B3GALT1: variants seen among roughly 807,000 people sequenced by gnomAD.
B3GALT1 encodes the protein UDP-Gal:betaGlcNAc beta 1,3-galactosyltransferase, polypeptide 1.
Under a neutral mutation model 23.2 loss-of-function variants are expected in B3GALT1, and 10 were observed. That is an observed-to-expected ratio of 0.43 (90% CI 0.27 to 0.73). B3GALT1 has a LOEUF of 0.73. Ranked by LOEUF, B3GALT1 falls within the 30% of genes least tolerant of loss-of-function variation. The pLI is 0.21. For synonymous variants in B3GALT1, 156 were observed against 141.5 expected (o/e 1.10, Z -0.73); for missense variants, 299 against 405.4 (o/e 0.74, Z 2.25).
intron 2 of B3GALT1, among the ~76,000 whole-genome samples, chr2:167,588,713 A>G (rs1050617399): frequency 2.6e-5 from 4 of 151,846 alleles, no homozygotes; most frequent in African/African-American, 9.7e-5. Context: ...TTTTTCTAAT[A>G]TGCTATTTAT....
chr2:167,702,078 A>G (rs1218974773), intron 3 of B3GALT1, among the ~76,000 whole-genome samples: 1 of 152,194 alleles, frequency 6.6e-6, no homozygotes, highest in Non-Finnish European at 1.5e-5. Context: ...AATTCTTTTA[A>G]CTAAACCCCA....
chr2:167,364,487 G>T (rs933442219), intron 1 of B3GALT1, among the ~76,000 whole-genome samples: 6 of 151,726 alleles, frequency 4.0e-5, no homozygotes, highest in Admixed American at 6.6e-5. Flanking sequence ...ATCCTTCCCC[G>T]CTCCCCCCAC....
At chr2:167,831,723 CACAGAG>C (rs1366812436) in intron 4 of B3GALT1, among the ~76,000 whole-genome samples, 1 of 152,096 alleles carries the variant, frequency 6.6e-6, no homozygotes, top group Non-Finnish European at 1.5e-5. Context: ...TTGGAGAAAA[CACAGAG>C]AAATATAAAT....
chr2:167,313,534 C>A (rs1696664706), intron 1 of B3GALT1, among the ~76,000 whole-genome samples: 1 of 152,116 alleles, frequency 6.6e-6, no homozygotes, highest in Admixed American at 6.6e-5. Flanking sequence ...GACCCTAGTT[C>A]TTTGAAGACC....
chr2:167,426,986 T>G (rs1257905994), intron 1 of B3GALT1, among the ~76,000 whole-genome samples: 1 of 152,202 alleles, frequency 6.6e-6, no homozygotes, highest in East Asian at 1.9e-4. Flanking sequence ...GCAAAATGGA[T>G]AAGTTGTGGT....
chr2:167,297,061 G>A (rs192480954), intron 1 of B3GALT1, among the ~76,000 whole-genome samples: 7 of 152,060 alleles, frequency 4.6e-5, no homozygotes, highest in African/African-American at 1.2e-4. Context: ...TAATATGTGA[G>A]GGTTAAAGGC....
At chr2:167,402,278 T>TA (rs1017333042) in intron 1 of B3GALT1, among the ~76,000 whole-genome samples, 2 of 152,040 alleles carry the variant, frequency 1.3e-5, no homozygotes, top group Non-Finnish European at 2.9e-5. Flanking sequence ...TGTCATCAAT[T>TA]AAAAAAATTT....
intron 3 of B3GALT1, chr2:167,715,546 T>C: frequency 6.2e-7 from 1 of 1,613,792 alleles, no homozygotes; most frequent in Non-Finnish European, 8.5e-7. Flanking sequence ...CTAGAGATTG[T>C]ATCCTTTTTG....
chr2:167,825,437 G>GGTGCGT (rs1689197190), intron 4 of B3GALT1, among the ~76,000 whole-genome samples: 1 of 144,574 alleles, frequency 6.9e-6, no homozygotes, highest in Admixed American at 6.9e-5. Context: ...TATATGCAGG[G>GGTGCGT]GTGTGTGTGT....
intron 2 of B3GALT1, among the ~76,000 whole-genome samples, chr2:167,525,617 T>G (rs971088961): frequency 6.6e-6 from 1 of 151,738 alleles, no homozygotes; most frequent in Non-Finnish European, 1.5e-5. Context: ...TGGGAGCTCT[T>G]TCATTTTTTT....
At chr2:167,658,503 G>C (rs1286857929) in intron 3 of B3GALT1, among the ~76,000 whole-genome samples, 1 of 152,038 alleles carries the variant, frequency 6.6e-6, no homozygotes, top group Non-Finnish European at 1.5e-5. Context: ...ATTTGCTCCT[G>C]AGAACAGATT....
intron 3 of B3GALT1, among the ~76,000 whole-genome samples, chr2:167,763,366 C>T (rs1255729097): frequency 6.6e-6 from 1 of 152,104 alleles, no homozygotes; most frequent in East Asian, 1.9e-4. Flanking sequence ...TTTGTTTAAT[C>T]AGTTTATCAA....
At chr2:167,608,865 C>T (rs950243074) in intron 2 of B3GALT1, among the ~76,000 whole-genome samples, 1 of 152,046 alleles carries the variant, frequency 6.6e-6, no homozygotes, top group Non-Finnish European at 1.5e-5. Flanking sequence ...TACCAAAAAG[C>T]CATATTTTTT....
chr2:167,707,551 C>T (rs759546778), intron 3 of B3GALT1, among the ~76,000 whole-genome samples: 31 of 151,904 alleles, frequency 2.0e-4, no homozygotes, highest in South Asian at 4.2e-4. Flanking sequence ...TTCCTTGGCC[C>T]GTGCTTTCCT....
At chr2:167,653,616 A>G (rs893554242) in intron 3 of B3GALT1, among the ~76,000 whole-genome samples, 16 of 152,132 alleles carry the variant, frequency 1.1e-4, no homozygotes, top group African/African-American at 3.9e-4. Context: ...TGTGCACTGC[A>G]TTCCTTCAGC....
intron 1 of B3GALT1, among the ~76,000 whole-genome samples, chr2:167,450,193 T>G (rs1193943595): frequency 6.6e-6 from 1 of 151,142 alleles, no homozygotes; most frequent in Non-Finnish European, 1.5e-5. Context: ...TCTGAAAGAA[T>G]TCAGCTGTGA....
intron 2 of B3GALT1, among the ~76,000 whole-genome samples, chr2:167,561,515 G>A (rs879172166): frequency 6.6e-6 from 1 of 151,908 alleles, no homozygotes; most frequent in Non-Finnish European, 1.5e-5. Flanking sequence ...ATGAATCCAG[G>A]AGCTGGTTTT....
chr2:167,398,862 T>C (rs1698141651), intron 1 of B3GALT1, among the ~76,000 whole-genome samples: 1 of 152,126 alleles, frequency 6.6e-6, no homozygotes. Context: ...CAGTGTCCTA[T>C]AGAGTGTCTT....
rs1698770713 is a variant in B3GALT1 at position 167,435,475 on chromosome 2, A to G, written c.-510-54702A>G. On this transcript the variant is annotated intron_variant, in intron 1 of 4. Transcript: ENST00000392690. ...AAAAAAAAAAAAAGCAGAGAAATAT[A>G]TGCTTTTTAAATACTGGGAGTTAGG... is the stretch of plus-strand genomic sequence containing the variant. Among the ~76,000 whole-genome samples the G allele has an allele frequency of 1.4e-5, 2 of 140,750 alleles. 1 individual carries two copies. Among genetic ancestry groups the G allele is most frequent in the Admixed American group, 1.4e-4 (2 of 14,296 alleles). 92.3% of individuals were successfully genotyped at this position (140,750 alleles called of 152,430 possible).
Sources: gnomAD v4.1 joint callset for allele counts (sites outside exome capture counted in the v4.1 genomes callset) on GRCh38, gnomAD v4.1.1 for gene constraint, MANE v1.5 for transcripts, NCBI Gene and HGNC (gene_info 2026-07-23, HGNC 2026-07-21) for gene names.